Variants in NEB observed in about 807,000 individuals in gnomAD.
NEB encodes nebulin, also known as nemaline myopathy type 2.
NEB carries 512 observed loss-of-function variants against 952.2 expected under a neutral mutation model. That is an observed-to-expected ratio of 0.54 (90% CI 0.50 to 0.58). The LOEUF (loss-of-function observed/expected upper bound fraction) is 0.58, where lower values mean the gene tolerates loss of function less well. Among genes scored for constraint, NEB ranks in the 20% least tolerant of loss-of-function variants. NEB has a pLI of 0.00. For missense variants in NEB, 8,428 were observed against 9,231.1 expected (o/e 0.91, Z 3.56); for synonymous variants, 2,900 against 3,149.8 (o/e 0.92, Z 2.66).
At chr2:151,575,414 A>T (rs1381595174) in intron 107 of NEB, among the ~76,000 whole-genome samples, 2 of 152,130 alleles carry the variant, frequency 1.3e-5, no homozygotes, top group African/African-American at 4.8e-5. Flanking sequence ...TTGTTTGTGC[A>T]TCTCTTCATT....
At chr2:151,520,326 G>A (rs2081073360) in intron 153 of NEB, among the ~76,000 whole-genome samples, 1 of 152,106 alleles carries the variant, frequency 6.6e-6, no homozygotes, top group African/African-American at 2.4e-5. Context: ...TGAGAGTTTG[G>A]GGGTTAATGG....
At chr2:151,684,659 C>T in intron 28 of NEB, 119 bp downstream of exon 28, 3 of 954,902 alleles carry the variant, frequency 3.1e-6, no homozygotes, top group Admixed American at 3.2e-5. Flanking sequence ...GGGTCGTTTG[C>T]TTACATACAT....
At chr2:151,710,360 C>T (rs1448508725) in intron 11 of NEB, 74 bp downstream of exon 11, 6 of 970,670 alleles carry the variant, frequency 6.2e-6, no homozygotes, top group Non-Finnish European at 9.6e-6. Flanking sequence ...TCAGGTAGAG[C>T]AAGTAGCTAG....
intron 63 of NEB, 77 bp from the exon 64 acceptor site, chr2:151,636,411 G>C: frequency 9.0e-7 from 1 of 1,114,174 alleles, no homozygotes; most frequent in Non-Finnish European, 1.3e-6. Flanking sequence ...AATTCACTAA[G>C]TTCTCCACAG....
intron 135 of NEB, among the ~76,000 whole-genome samples, chr2:151,542,873 A>C (rs1284792683): frequency 6.6e-6 from 1 of 152,220 alleles, no homozygotes; most frequent in African/African-American, 2.4e-5. Context: ...AGTCTTTATA[A>C]CCTGGCTCCA....
intron 93 of NEB, among the ~76,000 whole-genome samples, chr2:151,593,654 CTCTT>C (rs1325480378): frequency 9.9e-6 from 1 of 101,490 alleles, no homozygotes; most frequent in Non-Finnish European, 2.2e-5. Flanking sequence ...CCATCTCTCT[CTCTT>C]TCTGTGTCAA....
chr2:151,650,870 C>G lies in NEB; in HGVS notation c.6931G>C (p.Gly2311Arg), dbSNP rs757526825. ...TGGTGGCCAAGTTGCTTTCGGTAGCCTTGTTTGTATTTATACTGAAATCAG... is the reference window on the plus strand; with the variant it reads ...TGGTGGCCAAGTTGCTTTCGGTAGCGTTGTTTGTATTTATACTGAAATCAG... ...DIASDYKYKQ[G>R]YRKQLGHHVG... The change falls in exon 53 of 182, where the codon GGC becomes CGC. Residue 2311 changes from glycine (G) to arginine (R), a missense_variant. This residue lies in a region of NEB where 2,851 missense variants were observed against 2,791.5 expected (regional missense o/e 1.02). Coordinates refer to ENST00000397345, the MANE Select transcript of NEB (RefSeq NM_001164508.2). 5.0e-6 allele frequency: 8 copies of G among 1,611,784 alleles called. No individual in the cohort carries two copies. In the East Asian group the frequency reaches 6.7e-5, roughly 13 times the overall value.
intron 169 of NEB, 112 bp downstream of exon 169, chr2:151,499,186 A>T: frequency 1.8e-6 from 1 of 559,232 alleles, no homozygotes; most frequent in Middle Eastern, 4.9e-4. Context: ...AGTTGGGAAA[A>T]AGACAGGTCA....
Position 151,643,290 on chromosome 2 carries a change from C to T in NEB, c.8020G>A (p.Glu2674Lys), listed in dbSNP as rs369224273. 2.2e-5 allele frequency: 35 copies of T among 1,613,838 alleles called. 1 individual carries two copies. Among genetic ancestry groups the T allele is most frequent in the Non-Finnish European group, 2.7e-5 (32 of 1,179,832 alleles). Residue 2674 changes from glutamate (E) to lysine (K), a missense_variant, in exon 58 of 182, where the codon GAG (glutamate) becomes AAG (lysine). Glu to Lys is a moderately conservative substitution (Grantham distance 56). Transcript: ENST00000397345. ...GTGGCTCGTTTATTTTTCTCATCCT[C>T]GAGAGAACCACTAGTCATCCAGCCA... The part of the protein sequence containing the change: ...GIGWMTSGSL[E>K]DEKNKRATQI...
chr2:151,592,008 A>G (rs1249789976), intron 95 of NEB, 26 bp downstream of exon 95: 2 of 1,549,514 alleles, frequency 1.3e-6, no homozygotes, highest in Non-Finnish European at 1.7e-6. Flanking sequence ...AGCACTGTGA[A>G]AAGCAAATGA....
At chr2:151,565,682 G>A (rs536867483) in intron 115 of NEB, 34 bp downstream of exon 115, 4 of 1,588,474 alleles carry the variant, frequency 2.5e-6, no homozygotes, top group African/African-American at 1.3e-5. Flanking sequence ...TAGGAGGACA[G>A]GCATAGGTTA....
In NEB at chr2:151,631,897, C is replaced by G. The variant is rs569538550; in HGVS notation, c.9415-551G>C. Among the ~76,000 whole-genome samples the G allele has an allele frequency of 3.3e-5, 5 of 152,080 alleles. No homozygotes were observed. The South Asian group carries it at 1.0e-3, about 32-fold the overall frequency. The stretch of plus-strand genomic sequence containing the variant: ...GATTGTTTTGGATTCTTATTCCCTG[C>G]GATGTATTCTTCTATACATTTCAAA... On this transcript the variant is annotated intron_variant, in intron 65 of 181. Coordinates refer to ENST00000397345, the MANE Select transcript of NEB (RefSeq NM_001164508.2).
At chr2:151,571,234 AC>A (rs1353984495) in intron 107 of NEB, among the ~76,000 whole-genome samples, 3 of 151,962 alleles carry the variant, frequency 2.0e-5, no homozygotes. Flanking sequence ...CAAACTCCTG[AC>A]CCTCAGGTGA....
intron 30 of NEB, among the ~76,000 whole-genome samples, chr2:151,680,472 T>C (rs879364116): frequency 1.3e-5 from 2 of 152,116 alleles, no homozygotes; most frequent in Non-Finnish European, 1.5e-5. Context: ...GTTTTTGTTG[T>C]CATTAAGAGA....
rs1367809483 is a variant in NEB at position 151,505,368 on chromosome 2, T to TC, written c.23742+109dup. 111 of 950,784 alleles carry TC rather than the reference T, an allele frequency of 1.2e-4. 1 individual carries two copies. The East Asian group carries it at 2.6e-3, about 22-fold the overall frequency. The allele number at this position is 950,784 out of a possible 1,614,324, so 58.9% of individuals were successfully genotyped here. A position where few individuals can be genotyped will look rare whatever the true frequency, so the allele number is the denominator to read the frequency against. On this transcript the variant is annotated intron_variant, in intron 165 of 181. Transcript: ENST00000397345. ...CAAGACTAAGGGAGAATTCACAACA[T>TC]CCCCAAGGCATGGAAGCTCTTGATA... is the stretch of plus-strand genomic sequence containing the variant.
At chr2:151,540,317 C>T in intron 138 of NEB, 27 bp downstream of exon 138, 1 of 1,410,838 alleles carries the variant, frequency 7.1e-7, no homozygotes, top group Non-Finnish European at 9.8e-7. Flanking sequence ...CCCATCACAA[C>T]AGAAGAAAAA....
intron 148 of NEB, 88 bp from the exon 149 acceptor site, chr2:151,526,350 C>T (rs915059222): frequency 2.2e-6 from 2 of 891,630 alleles, no homozygotes; most frequent in Non-Finnish European, 3.7e-6. Context: ...AGAACAGCAG[C>T]GTTGACAATA....
intron 156 of NEB, among the ~76,000 whole-genome samples, chr2:151,517,061 G>A (rs775007441): frequency 3.3e-5 from 5 of 152,168 alleles, no homozygotes; most frequent in Non-Finnish European, 7.3e-5. Flanking sequence ...ACAACTCTAT[G>A]TGGGTCCTGA....
intron 13 of NEB, among the ~76,000 whole-genome samples, chr2:151,703,996 T>C (rs2099688889): frequency 7.5e-6 from 1 of 132,676 alleles, no homozygotes; most frequent in Non-Finnish European, 1.6e-5. Context: ...TGGTTTTATC[T>C]ACTCTTGGTC....
Sources: allele counts gnomAD v4.1 joint callset (sites outside exome capture counted in the v4.1 genomes callset), GRCh38; gene constraint gnomAD v4.1.1; regional missense constraint gnomAD v4.1.1; transcripts MANE v1.5; gene names NCBI Gene and HGNC (gene_info 2026-07-23, HGNC 2026-07-21).